Variants in THRB observed in about 807,000 individuals in gnomAD.
THRB encodes thyroid hormone receptor beta.
Under a neutral mutation model 47.8 loss-of-function variants are expected in THRB, and 12 were observed. That is an observed-to-expected ratio of 0.25 (90% confidence interval 0.16 to 0.41). The LOEUF is 0.41. THRB is among the 10% of genes least tolerant of loss of function. The pLI is 1.00. For missense variants in THRB, 348 were observed against 589.2 expected (o/e 0.59, Z 4.24); for synonymous variants, 218 against 212.2 (o/e 1.03, Z -0.24).
At chr3:24,358,032 C>T (rs1275699580) in intron 1 of THRB, among the ~76,000 whole-genome samples, 2 of 152,076 alleles carry the variant, frequency 1.3e-5, no homozygotes, top group Admixed American at 6.6e-5. Flanking sequence ...TTAGGAACTT[C>T]GTTTTATTCA....
intron 1 of THRB, among the ~76,000 whole-genome samples, chr3:24,428,887 C>CA (rs61288447): frequency 7.5e-5 from 11 of 146,094 alleles, no homozygotes; most frequent in South Asian, 6.5e-4. Flanking sequence ...GAAGGTAAGC[C>CA]AAAAAAAAAA....
chr3:24,476,299 C>T (rs1400305040), intron 1 of THRB, among the ~76,000 whole-genome samples: 4 of 152,198 alleles, frequency 2.6e-5, no homozygotes, highest in African/African-American at 9.7e-5. Context: ...TTTCCCTCTA[C>T]AGGGTGTTCA....
intron 1 of THRB, among the ~76,000 whole-genome samples, chr3:24,358,003 G>C (rs1469431291): frequency 1.3e-5 from 2 of 152,124 alleles, no homozygotes; most frequent in African/African-American, 2.4e-5. Context: ...CTGTTGACTA[G>C]AATGGAAGCT....
chr3:24,320,593 A>G (rs796846761), intron 2 of THRB, among the ~76,000 whole-genome samples: 15 of 152,290 alleles, frequency 9.8e-5, no homozygotes, highest in African/African-American at 3.4e-4. Context: ...CTGATGGCCT[A>G]ATCCACCCTG....
At chr3:24,383,208 C>T (rs886686416) in intron 1 of THRB, among the ~76,000 whole-genome samples, 6 of 151,790 alleles carry the variant, frequency 4.0e-5, no homozygotes, top group East Asian at 3.9e-4. Context: ...ACAAAGTACC[C>T]GGCTCAGAAG....
At chr3:24,490,923 T>A (rs1318286138) in intron 1 of THRB, among the ~76,000 whole-genome samples, 3 of 152,200 alleles carry the variant, frequency 2.0e-5, no homozygotes, top group Admixed American at 6.5e-5. Flanking sequence ...TTTTTTTCCA[T>A]TCCAGAGTTG....
chr3:24,123,211 G>C, intron 10 of THRB, 86 bp from the exon 11 acceptor site: 1 of 1,591,658 alleles, frequency 6.3e-7, no homozygotes, highest in Non-Finnish European at 8.6e-7. Flanking sequence ...TTATTGGGGG[G>C]CGGGCAGATC....
At chr3:24,166,625 T>C (rs1293139853) in intron 5 of THRB, among the ~76,000 whole-genome samples, 1 of 152,154 alleles carries the variant, frequency 6.6e-6, no homozygotes, top group East Asian at 1.9e-4. Context: ...CATATATGCA[T>C]AGTTGTAGAT....
Position 24,216,119 on chromosome 3 carries a change from CAG to C in THRB, c.22+12817_22+12818del, listed in dbSNP as rs548370674. Among the ~76,000 whole-genome samples, 4 of 152,318 alleles carry C rather than the reference CAG, an allele frequency of 2.6e-5. No individual in the cohort carries two copies. The East Asian group carries it at 7.7e-4, about 29-fold the overall frequency. ...TCATTCAATATTTTAAAAATCCAGTCAGAGTCAATGGATGCTTAAGGTGTGAG... is the reference window on the plus strand; with the variant it reads ...TCATTCAATATTTTAAAAATCCAGTCAGTCAATGGATGCTTAAGGTGTGAG... On this transcript the variant is annotated intron_variant, in intron 4 of 10. Transcript: ENST00000646209.
chr3:24,161,660 A>ACACACACACACAC, intron 5 of THRB, among the ~76,000 whole-genome samples: 1 of 151,808 alleles, frequency 6.6e-6, no homozygotes, highest in South Asian at 2.1e-4. Context: ...ACACAGACAG[A>ACACACACACACAC]ATTCTATCTC....
chr3:24,366,628 T>C (rs1453985904), intron 1 of THRB, among the ~76,000 whole-genome samples: 1 of 149,336 alleles, frequency 6.7e-6, no homozygotes, highest in African/African-American at 2.5e-5. Flanking sequence ...TCACTTTTTT[T>C]TTTTTTTTTT....
chr3:24,493,030 A>C (rs1446275809), intron 1 of THRB, among the ~76,000 whole-genome samples: 2 of 152,238 alleles, frequency 1.3e-5, no homozygotes, highest in Admixed American at 1.3e-4. Flanking sequence ...TAACATGCTC[A>C]AATTATAAAT....
chr3:24,212,321 C>G (rs1227072088), intron 4 of THRB, among the ~76,000 whole-genome samples: 1 of 152,048 alleles, frequency 6.6e-6, no homozygotes, highest in East Asian at 1.9e-4. Flanking sequence ...TCGCTTGAAC[C>G]TGGGAGGCGG....
chr3:24,353,205 AT>A lies in THRB; in HGVS notation c.-260-15835del, dbSNP rs879757204. ...GTCAGAAACACTCTTTGTCTTGTAT[AT>A]TTTTTTCATGTGGGATGTGTAGAAT... On this transcript the variant is annotated intron_variant, in intron 1 of 10. Transcript: ENST00000646209. Among the ~76,000 whole-genome samples the A allele has an allele frequency of 1.3e-3, 191 of 152,164 alleles. 1 individual carries two copies. Among genetic ancestry groups the A allele is most frequent in the Non-Finnish European group, 2.2e-3 (147 of 67,990 alleles).
intron 3 of THRB, among the ~76,000 whole-genome samples, chr3:24,272,825 G>A (rs370404342): frequency 5.3e-5 from 8 of 152,040 alleles, no homozygotes; most frequent in Non-Finnish European, 1.0e-4. Flanking sequence ...ATATTCATTC[G>A]CAGGATTATT....
At position 24,284,630 on chromosome 3, in the gene THRB, C is replaced by G. The variant is rs1000375767; in HGVS notation, c.-43+12596G>C. Among the ~76,000 whole-genome samples the G allele has an allele frequency of 9.4e-4, 141 of 150,080 alleles. 1 individual carries two copies. Among genetic ancestry groups the G allele is most frequent in the Non-Finnish European group, 1.3e-3 (85 of 67,996 alleles). The stretch of plus-strand genomic sequence containing the variant: ...TCTGCACAGCAAAAGAAACTACCAT[C>G]AGAGTGAACAGGCAACCTACAGAAT... On this transcript the variant is annotated intron_variant, in intron 3 of 10. Transcript: ENST00000646209.
intron 1 of THRB, among the ~76,000 whole-genome samples, chr3:24,409,491 A>G (rs185422142): frequency 6.6e-6 from 1 of 151,934 alleles, no homozygotes; most frequent in East Asian, 2.0e-4. Flanking sequence ...GTCATGTGTT[A>G]GTATCAGCTG....
chr3:24,432,167 T>C (rs558958173), intron 1 of THRB, among the ~76,000 whole-genome samples: 11 of 152,200 alleles, frequency 7.2e-5, no homozygotes, highest in Non-Finnish European at 1.3e-4. Flanking sequence ...ATATACGTTA[T>C]AAGATGTACA....
chr3:24,197,614 A>G (rs2044108497), intron 4 of THRB, among the ~76,000 whole-genome samples: 1 of 152,052 alleles, frequency 6.6e-6, no homozygotes. Flanking sequence ...ACCTCAATAA[A>G]TATTATTTGG....
Sources: allele counts gnomAD v4.1 joint callset (sites outside exome capture counted in the v4.1 genomes callset), GRCh38; gene constraint gnomAD v4.1.1; transcripts MANE v1.5; gene names NCBI Gene and HGNC (gene_info 2026-07-23, HGNC 2026-07-21).